Variants in L2HGDH observed in about 807,000 individuals in gnomAD.
The protein encoded by L2HGDH is L-2-hydroxyglutarate dehydrogenase, mitochondrial.
In L2HGDH, 34 loss-of-function variants were observed where a neutral mutation model predicts 51.5. The ratio of observed to expected loss-of-function variants is 0.66; its 90% CI spans 0.50 to 0.88. The LOEUF (loss-of-function observed/expected upper bound fraction) is 0.88. Among genes scored for constraint, L2HGDH ranks in the 40% least tolerant of loss-of-function variants. The probability of loss-of-function intolerance (pLI) is 0.00; values close to 1 mark genes in which losing one functional copy is unlikely to be tolerated. For synonymous variants in L2HGDH, 198 were observed against 197.9 expected (o/e 1.00, Z -0.01); for missense variants, 558 against 571.9 (o/e 0.98, Z 0.25).
At chr14:50,295,825 G>A (rs1566534968) in intron 3 of L2HGDH, among the ~76,000 whole-genome samples, 1 of 148,334 alleles carries the variant, frequency 6.7e-6, no homozygotes, top group Non-Finnish European at 1.5e-5. Context: ...TGCAACCTCT[G>A]CGTCCCAGGT....
In L2HGDH at chr14:50,243,689, T is replaced by TATA. The variant is rs1887887479; in HGVS notation, c.*3368_*3369insTAT. Reference sequence around the variant, plus strand: ...TATATATATATATATATATATATTGTTTATTATTATACTTTAAGTTTTAGG... The same window carrying TATA: ...TATATATATATATATATATATATTGTATATTATTATTATACTTTAAGTTTTAGG... On this transcript the variant is annotated 3_prime_UTR_variant, in exon 10 of 10. Coordinates refer to ENST00000267436, the MANE Select transcript of L2HGDH (RefSeq NM_024884.3). The TATA allele has an allele frequency of 5.0e-6, 1 of 198,358 alleles. No homozygotes were observed. Among genetic ancestry groups the TATA allele is most frequent in the Non-Finnish European group, 8.4e-6 (1 of 119,244 alleles). The allele number at this position is 198,358 out of a possible 1,614,324, so 12.3% of individuals were successfully genotyped here.
At chr14:50,311,888 C>T in intron 1 of L2HGDH, 123 bp downstream of exon 1, 1 of 1,348,796 alleles carries the variant, frequency 7.4e-7, no homozygotes, top group Admixed American at 2.1e-5. Context: ...GTTGGAGTGC[C>T]ACAGGACCCC....
intron 4 of L2HGDH, among the ~76,000 whole-genome samples, chr14:50,292,990 G>A (rs948588931): frequency 5.3e-5 from 8 of 152,064 alleles, no homozygotes; most frequent in South Asian, 4.1e-4. Flanking sequence ...CCAGGAGTTC[G>A]AGACCAGCCT....
intron 7 of L2HGDH, among the ~76,000 whole-genome samples, chr14:50,268,901 T>G (rs1431192372): frequency 2.0e-5 from 3 of 152,164 alleles, no homozygotes; most frequent in Non-Finnish European, 4.4e-5. Context: ...AAGGTAGAAT[T>G]CAGTTCCTTC....
At chr14:50,267,473 C>A (rs1274281919) in intron 8 of L2HGDH, among the ~76,000 whole-genome samples, 1 of 152,164 alleles carries the variant, frequency 6.6e-6, no homozygotes, top group African/African-American at 2.4e-5. Flanking sequence ...TGAGCCACTG[C>A]GCCCAGCCAG....
At chr14:50,286,762 A>T (rs1186461229) in intron 4 of L2HGDH, among the ~76,000 whole-genome samples, 1 of 152,054 alleles carries the variant, frequency 6.6e-6, no homozygotes, top group Admixed American at 6.6e-5. Context: ...TTTGTAAGTT[A>T]TTTTACTCAT....
intron 3 of L2HGDH, among the ~76,000 whole-genome samples, chr14:50,300,669 A>T (rs1208912518): frequency 6.6e-6 from 1 of 152,154 alleles, no homozygotes; most frequent in African/African-American, 2.4e-5. Context: ...CAATTAAAAA[A>T]TAATTTTAGG....
chr14:50,302,220 A>G (rs1213051048), intron 2 of L2HGDH, 52 bp from the exon 3 acceptor site: 13 of 1,584,704 alleles, frequency 8.2e-6, no homozygotes, highest in African/African-American at 2.7e-5. Context: ...CATACAAAAC[A>G]TAAGAGGTAA....
chr14:50,245,044 G>A lies in L2HGDH; in HGVS notation c.*2014C>T. On this transcript the variant is annotated 3_prime_UTR_variant, in exon 10 of 10. Coordinates refer to ENST00000267436, the MANE Select transcript of L2HGDH (RefSeq NM_024884.3). ...AGATACCACAAAACACATATATACAGGATATACCACAGCACTGGGCATCAA... is the reference window on the plus strand; with the variant it reads ...AGATACCACAAAACACATATATACAAGATATACCACAGCACTGGGCATCAA... 5 of 985,680 alleles carry A rather than the reference G, an allele frequency of 5.1e-6. No homozygotes were observed. The highest frequency in any genetic ancestry group is 6.0e-6 in the Non-Finnish European group (5 of 829,898). The allele number at this position is 985,680 out of a possible 1,614,324, so 61.1% of individuals were successfully genotyped here.
chr14:50,242,932 C>T lies in L2HGDH; in HGVS notation c.*4126G>A. The T allele has an allele frequency of 2.0e-6, 2 of 985,470 alleles. No individual in the cohort carries two copies. Among genetic ancestry groups the T allele is most frequent in the South Asian group, 4.7e-5 (1 of 21,292 alleles). 61.0% of individuals were successfully genotyped at this position (985,470 alleles called of 1,614,324 possible). On this transcript the variant is annotated 3_prime_UTR_variant, in exon 10 of 10. Transcript: ENST00000267436. The stretch of plus-strand genomic sequence containing the variant: ...GTCTCCTGTGTTTACAGGGATAGCT[C>T]ATAGGTACAGCCATCAGGGTTGGAT...
intron 4 of L2HGDH, among the ~76,000 whole-genome samples, chr14:50,286,569 A>C (rs1455500471): frequency 2.0e-5 from 3 of 152,218 alleles, no homozygotes; most frequent in Non-Finnish European, 4.4e-5. Context: ...TTCCTATAGC[A>C]GTGGTAAGGT....
intron 3 of L2HGDH, 127 bp downstream of exon 3, chr14:50,301,890 C>T (rs143232054): frequency 2.1e-6 from 2 of 944,684 alleles, no homozygotes; most frequent in African/African-American, 1.7e-5. Context: ...TTAGTTATTC[C>T]CTAAGATTAG....
chr14:50,255,685 C>A lies in L2HGDH; in HGVS notation c.1197-8432G>T, dbSNP rs10141899. ...TGCACATAGTAGGCATTCAATAAGG[C>A]TAGAAACTTTAAGCTTTAAGTTAAA... On this transcript the variant is annotated intron_variant, in intron 9 of 9. Coordinates refer to ENST00000267436, the MANE Select transcript of L2HGDH (RefSeq NM_024884.3). 6.9e-3 allele frequency among the ~76,000 whole-genome samples: 1,044 copies of A among 152,120 alleles called. 19 individuals carry two copies. Among genetic ancestry groups the A allele is most frequent in the African/African-American group, 0.024 (1,004 of 41,518 alleles).
rs1453677283 is a variant in L2HGDH, at chr14:50,245,654, A to C, written c.*1404T>G. ...TGACTCTTCAAAATTAAAAGAATGT[A>C]ACCTACAATATAATGTATTTTCTTG... is the stretch of plus-strand genomic sequence containing the variant. On this transcript the variant is annotated 3_prime_UTR_variant, in exon 10 of 10. Coordinates refer to ENST00000267436, the MANE Select transcript of L2HGDH (RefSeq NM_024884.3). The C allele has an allele frequency of 4.1e-6, 4 of 982,014 alleles. No individual in the cohort carries two copies. The highest frequency in any genetic ancestry group is 4.8e-6 in the Non-Finnish European group (4 of 826,940). The allele number at this position is 982,014 out of a possible 1,614,324, so 60.8% of individuals were successfully genotyped here. A position where few individuals can be genotyped will look rare whatever the true frequency, so the allele number is the denominator to read the frequency against.
intron 6 of L2HGDH, 80 bp from the exon 7 acceptor site, chr14:50,269,410 G>C: frequency 7.5e-7 from 1 of 1,328,904 alleles, no homozygotes; most frequent in Non-Finnish European, 1.1e-6. Flanking sequence ...TGATAGAAAA[G>C]AAAAAAAGGT....
intron 1 of L2HGDH, among the ~76,000 whole-genome samples, chr14:50,307,242 A>G (rs1425281352): frequency 6.6e-6 from 1 of 152,234 alleles, no homozygotes; most frequent in Non-Finnish European, 1.5e-5. Flanking sequence ...ACAACTATCA[A>G]TAAACCCTTC....
intron 6 of L2HGDH, among the ~76,000 whole-genome samples, chr14:50,270,238 T>A (rs1595091745): frequency 1.3e-5 from 2 of 152,300 alleles, no homozygotes; most frequent in South Asian, 4.1e-4. Context: ...TCCTATAAAT[T>A]TTATTTTGTG....
intron 3 of L2HGDH, among the ~76,000 whole-genome samples, chr14:50,297,888 C>G (rs1304058184): frequency 6.6e-6 from 1 of 151,818 alleles, no homozygotes; most frequent in Non-Finnish European, 1.5e-5. Context: ...AGCACTTGAG[C>G]CCAGGAGTTT....
intron 4 of L2HGDH, 62 bp from the exon 5 acceptor site, chr14:50,284,095 C>T: frequency 1.3e-6 from 2 of 1,511,020 alleles, no homozygotes; most frequent in South Asian, 2.3e-5. Context: ...ATAACAAAAT[C>T]TCTATAATCA....
Sources: gnomAD v4.1 joint callset for allele counts (sites outside exome capture counted in the v4.1 genomes callset) on GRCh38, gnomAD v4.1.1 for gene constraint, MANE v1.5 for transcripts, NCBI Gene and HGNC (gene_info 2026-07-23, HGNC 2026-07-21) for gene names.